The following SPEG variants were observed in gnomAD, a reference collection of about 807,000 sequenced individuals.
The protein encoded by SPEG is striated muscle enriched protein kinase.
Under a neutral mutation model 300.4 loss-of-function variants are expected in SPEG, and 114 were observed. The observed-to-expected ratio is 0.38, with a 90% CI of 0.33 to 0.44. The LOEUF is 0.44. SPEG is among the 20% of genes least tolerant of loss of function. SPEG has a pLI of 1.00. For missense variants in SPEG, 4,201 were observed against 4,586.2 expected (o/e 0.92, Z 2.43); for synonymous variants, 1,964 against 2,018.9 (o/e 0.97, Z 0.73).
chr2:219,477,826 C>T lies in SPEG; in HGVS notation c.4826+41C>T. On this transcript the variant is annotated intron_variant, in intron 21 of 40. Coordinates refer to ENST00000312358, the MANE Select transcript of SPEG (RefSeq NM_005876.5). This position sits in a 1 kb window ranked among gnomAD's most constrained non-coding sequence, Gnocchi z 6.4. Reference sequence around the variant, plus strand: ...GGAAGCCAGTGGGGGCCGAGAGAGGCTGCTGGGTCTGAGGGTTGGGAGGGG... The same window carrying T: ...GGAAGCCAGTGGGGGCCGAGAGAGGTTGCTGGGTCTGAGGGTTGGGAGGGG... 2 of 1,591,926 alleles carry T rather than the reference C, an allele frequency of 1.3e-6. No homozygotes were observed. The highest frequency in any genetic ancestry group is 1.7e-5 in the Admixed American group (1 of 59,332).
intron 3 of SPEG, among the ~76,000 whole-genome samples, chr2:219,447,746 A>G (rs996058124): frequency 3.3e-5 from 5 of 151,602 alleles, no homozygotes; most frequent in Admixed American, 3.3e-4. Flanking sequence ...GTCTGTACCA[A>G]GACCCAGCCA....
chr2:219,468,837 T>A, intron 11 of SPEG, 22 bp from the exon 12 acceptor site: 3 of 1,609,286 alleles, frequency 1.9e-6, no homozygotes, highest in Non-Finnish European at 2.5e-6. Flanking sequence ...CTGCTCTGCA[T>A]TCCCACCCCT....
Position 219,472,901 on chromosome 2 carries a change from C to G in SPEG, c.3952C>G (p.Leu1318Val). 1 of 1,588,420 alleles carries G rather than the reference C, an allele frequency of 6.3e-7. No individual in the cohort carries two copies. The highest frequency in any genetic ancestry group is 8.6e-7 in the Non-Finnish European group (1 of 1,162,584). The change falls in exon 16 of 41, where the codon CTG becomes GTG. Residue 1318 changes from leucine to valine, a missense_variant. Transcript: ENST00000312358. ...TCCTCTCCCGCCAGACCCGGACTCC[C>G]TGACGTACACAGTGCAGCACCAGGT... The part of the protein sequence containing the change: ...SLDMAIDPDS[L>V]TYTVQHQVLG...
At position 219,459,534 on chromosome 2, in the gene SPEG, C is replaced by G. The variant is rs1211589547; in HGVS notation, c.2441-2348C>G. Reference sequence around the variant, plus strand: ...CTCCAAGGGGCTTGAGGATGGGGGTCTGCTTCATGGCTAGATGCCCTCCAG... The same window carrying G: ...CTCCAAGGGGCTTGAGGATGGGGGTGTGCTTCATGGCTAGATGCCCTCCAG... On this transcript the variant is annotated intron_variant, in intron 6 of 40. Coordinates refer to ENST00000312358, the MANE Select transcript of SPEG (RefSeq NM_005876.5). The surrounding 1 kb of genome is among the most constrained non-coding windows in gnomAD (Gnocchi z 4.9). Among the ~76,000 whole-genome samples, 1 of 152,166 alleles carries G rather than the reference C, an allele frequency of 6.6e-6. No homozygotes were observed. Among genetic ancestry groups the G allele is most frequent in the African/African-American group, 2.4e-5 (1 of 41,440 alleles).
chr2:219,448,956 C>A lies in SPEG; in HGVS notation c.1798C>A (p.Arg600=). 6.6e-7 allele frequency: 1 copy of A among 1,508,638 alleles called. No individual in the cohort carries two copies. The highest frequency in any genetic ancestry group is 8.8e-7 in the Non-Finnish European group (1 of 1,132,058). 93.5% of individuals were successfully genotyped at this position (1,508,638 alleles called of 1,614,324 possible). A position where few individuals can be genotyped will look rare whatever the true frequency, so the allele number is the denominator to read the frequency against. ...VRRRDQFPLT[R]SRAIQECRSP... Reference sequence around the variant, plus strand: ...GCGTCGGGACCAATTCCCGCTGACCCGGAGCAGAGCCATCCAGGAGTGCAG... The same window carrying A: ...GCGTCGGGACCAATTCCCGCTGACCAGGAGCAGAGCCATCCAGGAGTGCAG... Residue 600 remains arginine (R), a synonymous_variant, in exon 4 of 41, where the codon CGG becomes AGG. Transcript: ENST00000312358.
rs747077634 is a variant in SPEG at position 219,483,483 on chromosome 2, G to T, written c.6020G>T (p.Arg2007Leu). ...QEPAAGASPR[R>L]GELRRGSSAE... is the part of the protein sequence containing the mutation. ...CCCGCAGCTGGGGCTAGCCCCAGGC[G>T]GGGAGAGCTCCGCAGGGGCAGCTCG... The change falls in exon 30 of 41, where the codon CGG becomes CTG. Residue 2007 changes from arginine to leucine, a missense_variant. Arg to Leu is a moderately radical substitution (Grantham distance 102). Transcript: ENST00000312358. 6.9e-7 allele frequency: 1 copy of T among 1,454,004 alleles called. No homozygotes were observed. Among genetic ancestry groups the T allele is most frequent in the South Asian group, 1.4e-5 (1 of 71,358 alleles). 90.1% of individuals were successfully genotyped at this position (1,454,004 alleles called of 1,614,324 possible).
chr2:219,458,484 G>A lies in SPEG; in HGVS notation c.2441-3398G>A, dbSNP rs1045707472. Among the ~76,000 whole-genome samples, 3 of 151,994 alleles carry A rather than the reference G, an allele frequency of 2.0e-5. No individual in the cohort carries two copies. Among genetic ancestry groups the A allele is most frequent in the Admixed American group, 6.6e-5 (1 of 15,266 alleles). On this transcript the variant is annotated intron_variant, in intron 6 of 40. Coordinates refer to ENST00000312358, the MANE Select transcript of SPEG (RefSeq NM_005876.5). The surrounding 1 kb of genome is among the most constrained non-coding windows in gnomAD (Gnocchi z 4.2). The stretch of plus-strand genomic sequence containing the variant: ...CCCGACCTACTGAATCGGAAATTCC[G>A]TGGGTGGGGCCCAGCACTCTATGGT...
In SPEG at chr2:219,444,720, C is replaced by T. The variant is rs201002745; in HGVS notation, c.456C>T (p.Asp152=). 2.6e-5 allele frequency: 42 copies of T among 1,614,050 alleles called. No individual in the cohort carries two copies. Among genetic ancestry groups the T allele is most frequent in the Middle Eastern group, 1.7e-4 (1 of 6,058 alleles). Residue 152 remains aspartate (D), a synonymous_variant, in exon 2 of 41, where the codon GAC becomes GAT. Coordinates refer to ENST00000312358, the MANE Select transcript of SPEG (RefSeq NM_005876.5). This position sits in a 1 kb window ranked among gnomAD's most constrained non-coding sequence, Gnocchi z 7.8. ...CCCAGCGCCTGGAGCTTCGGGATGA[C>T]GGGGCCTTCAGCACCCCCACGGGTG... ...QGTQRLELRD[D]GAFSTPTGGS...
Position 219,483,378 on chromosome 2 carries a change from A to C in SPEG, c.5915A>C (p.Asp1972Ala), listed in dbSNP as rs1309944625. 1 of 1,602,892 alleles carries C rather than the reference A, an allele frequency of 6.2e-7. No individual in the cohort carries two copies. The highest frequency in any genetic ancestry group is 1.7e-5 in the Admixed American group (1 of 59,118). The change falls in exon 30 of 41, where the codon GAC becomes GCC. Residue 1972 changes from aspartate (D) to alanine (A), a missense_variant. Asp to Ala is a moderately radical substitution (Grantham distance 126). Around this residue, in one of 4 missense-constraint regions of SPEG, gnomAD observed 1,578 missense variants for 1,506.0 expected, o/e 1.05. Transcript: ENST00000312358. The part of the protein sequence containing the change: ...TPETGAATPM[D>A]WQEQGRAPSQ... ...GAGACTGGGGCTGCCACCCCCATGG[A>C]CTGGCAGGAGCAGGGAAGGGCTCCC...
At position 219,485,580 on chromosome 2, in the gene SPEG, A is replaced by G. The variant is rs1693337379; in HGVS notation, c.7741+103A>G. On this transcript the variant is annotated intron_variant, in intron 31 of 40. Coordinates refer to ENST00000312358, the MANE Select transcript of SPEG (RefSeq NM_005876.5). The stretch of plus-strand genomic sequence containing the variant: ...GGTGAGAGGTGGGCCACCTTGACAA[A>G]CCTAGTGGAAGGGGTCTGCTCAGAC... 18 of 1,229,266 alleles carry G rather than the reference A, an allele frequency of 1.5e-5. 1 individual carries two copies. The South Asian group carries it at 3.0e-4, about 21-fold the overall frequency. 76.1% of individuals were successfully genotyped at this position (1,229,266 alleles called of 1,614,324 possible). A position where few individuals can be genotyped will look rare whatever the true frequency, so the allele number is the denominator to read the frequency against.
chr2:219,445,718 G>C lies in SPEG; in HGVS notation c.815+557G>C, dbSNP rs1301018544. 6.4e-6 allele frequency: 1 copy of C among 155,640 alleles called. No homozygotes were observed. Among genetic ancestry groups the C allele is most frequent in the African/African-American group, 2.4e-5 (1 of 41,200 alleles). The allele number at this position is 155,640 out of a possible 1,614,324, so 9.6% of individuals were successfully genotyped here. A position where few individuals can be genotyped will look rare whatever the true frequency, so the allele number is the denominator to read the frequency against. On this transcript the variant is annotated intron_variant, in intron 3 of 40. Transcript: ENST00000312358. This position sits in a 1 kb window ranked among gnomAD's most constrained non-coding sequence, Gnocchi z 6.1. ...CAGGGGCAGATGGGGCAAGGGGCCT[G>C]TGAAAGCAGGAGGCCATGGGCTGGG...
chr2:219,456,920 A>C (rs547688905), intron 6 of SPEG, among the ~76,000 whole-genome samples: 1 of 51,186 alleles, frequency 2.0e-5, no homozygotes, highest in African/African-American at 3.8e-5. Flanking sequence ...AAAAAAAAAA[A>C]AAAAGAAAAG....
intron 1 of SPEG, chr2:219,442,090 G>C: frequency 8.4e-7 from 1 of 1,195,806 alleles, no homozygotes; most frequent in Non-Finnish European, 1.0e-6. Context: ...CCAGGTGAGG[G>C]CTCCGGGGGC....
At chr2:219,492,416 G>T (rs927424576) in intron 40 of SPEG, among the ~76,000 whole-genome samples, 156 bp downstream of exon 40, 3 of 152,150 alleles carry the variant, frequency 2.0e-5, no homozygotes, top group Non-Finnish European at 4.4e-5. Context: ...AGGCAGCCCC[G>T]TGCAAGGCAG....
At chr2:219,468,436 C>T (rs1691576062) in intron 10 of SPEG, 142 bp from the exon 11 acceptor site, 1 of 921,696 alleles carries the variant, frequency 1.1e-6, no homozygotes, top group Admixed American at 2.7e-5. Flanking sequence ...TCTGTGCCCA[C>T]TTCCTCCCCT....
rs748444037 is a variant in SPEG, at chr2:219,444,750, C to A, written c.478+8C>A. 6.2e-6 allele frequency: 10 copies of A among 1,613,814 alleles called. No homozygotes were observed. The highest frequency in any genetic ancestry group is 7.6e-6 in the Non-Finnish European group (9 of 1,179,880). On this transcript the variant is annotated splice_region_variant and intron_variant, in intron 2 of 40. Transcript: ENST00000312358. This position sits in a 1 kb window ranked among gnomAD's most constrained non-coding sequence, Gnocchi z 7.8. ...CCTTCAGCACCCCCACGGGTGAGCT[C>A]CTGGGGTGTACAAAGAGCAGGCAGG...
In SPEG at chr2:219,483,264, C is replaced by T. The variant is rs1260850495; in HGVS notation, c.5801C>T (p.Ser1934Leu). 1 of 1,609,620 alleles carries T rather than the reference C, an allele frequency of 6.2e-7. No individual in the cohort carries two copies. Among genetic ancestry groups the T allele is most frequent in the Non-Finnish European group, 8.5e-7 (1 of 1,178,454 alleles). The change falls in exon 30 of 41, where the codon TCA becomes TTA. Residue 1934 changes from serine (S) to leucine (L), a missense_variant. This residue lies in a region of SPEG where 1,578 missense variants were observed against 1,506.0 expected (regional missense o/e 1.05). Coordinates refer to ENST00000312358, the MANE Select transcript of SPEG (RefSeq NM_005876.5). ...GAGGAAGAGCTGGAAGAGCTGCCCTCAGTGCCCCGCCCACTGCAGCCCGAG... is the reference window on the plus strand; with the variant it reads ...GAGGAAGAGCTGGAAGAGCTGCCCTTAGTGCCCCGCCCACTGCAGCCCGAG... ...SEEEELEELPSVPRPLQPEFS... is the reference protein window; with the variant it reads ...SEEEELEELPLVPRPLQPEFS...
intron 6 of SPEG, among the ~76,000 whole-genome samples, chr2:219,455,048 C>T (rs1381103760): frequency 1.3e-5 from 2 of 152,234 alleles, no homozygotes; most frequent in African/African-American, 2.4e-5. Context: ...AAGCCGAGAT[C>T]GTGCCACTGC....
At chr2:219,488,391 TG>T in intron 32 of SPEG, 81 bp downstream of exon 32, 1 of 1,493,580 alleles carries the variant, frequency 6.7e-7, no homozygotes, top group Non-Finnish European at 9.1e-7. Flanking sequence ...TAGGCCGGAG[TG>T]GGGACTGAGC....
Sources: allele counts gnomAD v4.1 joint callset (sites outside exome capture counted in the v4.1 genomes callset), GRCh38; gene constraint gnomAD v4.1.1; regional missense constraint gnomAD v4.1.1; non-coding constraint Gnocchi (gnomAD v3.1); transcripts MANE v1.5; gene names NCBI Gene and HGNC (gene_info 2026-07-23, HGNC 2026-07-21).